The following FRMD5 variants were observed in gnomAD, a reference collection of about 807,000 sequenced individuals.
The protein encoded by FRMD5 is FERM domain-containing protein 5.
In FRMD5, 20 loss-of-function variants were observed where a neutral mutation model predicts 69.0. The observed-to-expected ratio is 0.29, with a 90% CI of 0.20 to 0.42. The LOEUF (loss-of-function observed/expected upper bound fraction) is 0.42. FRMD5 is among the 10% of genes least tolerant of loss of function. The pLI is 1.00. For synonymous variants in FRMD5, 271 were observed against 260.1 expected, an observed-to-expected ratio of 1.04 and a Z score of -0.40; for missense variants, 595 against 708.6, an observed-to-expected ratio of 0.84 and a Z score of 1.82.
intron 1 of FRMD5, among the ~76,000 whole-genome samples, chr15:44,168,849 C>T (rs1040603520): frequency 2.0e-5 from 3 of 152,166 alleles, no homozygotes; most frequent in African/African-American, 7.2e-5. Flanking sequence ...TCCTCTTCTG[C>T]CAAGGTGACT....
intron 1 of FRMD5, among the ~76,000 whole-genome samples, chr15:44,107,980 T>C (rs1313126023): frequency 2.0e-5 from 3 of 152,166 alleles, no homozygotes; most frequent in African/African-American, 4.8e-5. Flanking sequence ...TTTTGTTAAG[T>C]AGTCATGTGC....
intron 13 of FRMD5, among the ~76,000 whole-genome samples, chr15:43,877,204 C>T (rs960868101): frequency 2.0e-5 from 3 of 152,200 alleles, no homozygotes; most frequent in Admixed American, 6.5e-5. Context: ...AGCCAGTCCC[C>T]TTCTGTTGCC....
At chr15:44,041,081 A>T (rs1018381479) in intron 1 of FRMD5, among the ~76,000 whole-genome samples, 5 of 148,740 alleles carry the variant, frequency 3.4e-5, no homozygotes, top group African/African-American at 1.2e-4. Context: ...TTAAATCAAC[A>T]AAGACCAAAA....
intron 1 of FRMD5, among the ~76,000 whole-genome samples, chr15:44,094,725 C>T (rs1442342840): frequency 1.3e-5 from 2 of 152,104 alleles, no homozygotes; most frequent in African/African-American, 2.4e-5. Context: ...AGCTAATATT[C>T]ACTCTGAGCT....
chr15:43,888,141 AG>A (rs750221550), intron 10 of FRMD5, 33 bp downstream of exon 10: 1 of 1,512,942 alleles, frequency 6.6e-7, no homozygotes, highest in Non-Finnish European at 9.2e-7. Context: ...TCTGGCTCTA[AG>A]AAAGACAGTC....
chr15:44,023,945 C>A (rs1163927487), intron 1 of FRMD5, among the ~76,000 whole-genome samples: 2 of 152,072 alleles, frequency 1.3e-5, no homozygotes, highest in African/African-American at 4.8e-5. Flanking sequence ...GCTGGCCTAA[C>A]AAGACCTGCC....
intron 1 of FRMD5, among the ~76,000 whole-genome samples, chr15:44,087,737 TATC>T (rs61525802): frequency 0.054 from 7,956 of 148,180 alleles, 249 homozygotes; most frequent in East Asian, 0.087. Context: ...TATCAGCTGC[TATC>T]ATCATCATCA....
chr15:43,986,112 C>G (rs531898430), intron 1 of FRMD5, among the ~76,000 whole-genome samples: 1 of 152,318 alleles, frequency 6.6e-6, no homozygotes, highest in African/African-American at 2.4e-5. Flanking sequence ...ATTGCTAGCT[C>G]TTCAGTTCAC....
chr15:44,096,647 C>T (rs1279333928), intron 1 of FRMD5, among the ~76,000 whole-genome samples: 1 of 152,080 alleles, frequency 6.6e-6, no homozygotes, highest in Non-Finnish European at 1.5e-5. Flanking sequence ...AAGCGATCCA[C>T]CCGCCTCAGC....
intron 1 of FRMD5, among the ~76,000 whole-genome samples, chr15:43,999,316 C>T (rs1249732710): frequency 6.6e-6 from 1 of 152,178 alleles, no homozygotes; most frequent in Non-Finnish European, 1.5e-5. Context: ...GATCTGCCTG[C>T]CTTGGCCTCC....
intron 13 of FRMD5, among the ~76,000 whole-genome samples, chr15:43,880,643 G>A (rs1291796729): frequency 3.3e-5 from 5 of 152,136 alleles, no homozygotes; most frequent in East Asian, 1.9e-4. Flanking sequence ...TTTTACCTGC[G>A]CTGTCCTGCA....
At chr15:44,024,153 T>A (rs1037743344) in intron 1 of FRMD5, among the ~76,000 whole-genome samples, 4 of 152,202 alleles carry the variant, frequency 2.6e-5, no homozygotes, top group South Asian at 4.1e-4. Flanking sequence ...AATATTTTAA[T>A]CATAGAGAAA....
chr15:44,069,433 C>G (rs2140407770), intron 1 of FRMD5, among the ~76,000 whole-genome samples: 1 of 152,104 alleles, frequency 6.6e-6, no homozygotes, highest in Non-Finnish European at 1.5e-5. Context: ...TCCAGATGTA[C>G]TTCAACAGGT....
At chr15:43,999,795 CAT>C (rs915018046) in intron 1 of FRMD5, among the ~76,000 whole-genome samples, 3 of 151,374 alleles carry the variant, frequency 2.0e-5, no homozygotes, top group South Asian at 2.1e-4. Flanking sequence ...ATTGTATACA[CAT>C]GTGTGTGTAT....
chr15:43,919,416 C>T (rs780342051), intron 4 of FRMD5, 43 bp downstream of exon 4: 17 of 1,562,802 alleles, frequency 1.1e-5, no homozygotes, highest in Non-Finnish European at 1.3e-5. Flanking sequence ...TTCCTATGCT[C>T]TCCAACAGGT....
At chr15:44,102,397 G>A (rs895660934) in intron 1 of FRMD5, among the ~76,000 whole-genome samples, 2 of 152,236 alleles carry the variant, frequency 1.3e-5, no homozygotes, top group Non-Finnish European at 2.9e-5. Context: ...AAAGAGGACA[G>A]AAGGTTTTGG....
chr15:43,995,308 T>C (rs977366692), intron 1 of FRMD5, among the ~76,000 whole-genome samples: 55 of 152,204 alleles, frequency 3.6e-4, no homozygotes, highest in African/African-American at 1.3e-3. Flanking sequence ...GTAACCAATG[T>C]AGGCTTAACT....
chr15:44,184,477 T>C (rs890011404), intron 1 of FRMD5, among the ~76,000 whole-genome samples: 2 of 152,196 alleles, frequency 1.3e-5, no homozygotes, highest in Non-Finnish European at 2.9e-5. Context: ...AAAATGAACT[T>C]AAAGTACACA....
At chr15:43,878,071 C>T (rs1240025477) in intron 13 of FRMD5, among the ~76,000 whole-genome samples, 1 of 152,112 alleles carries the variant, frequency 6.6e-6, no homozygotes, top group Non-Finnish European at 1.5e-5. Flanking sequence ...GGTACAATCA[C>T]GGCTCACTGC....
Sources: gnomAD v4.1 joint callset for allele counts (sites outside exome capture counted in the v4.1 genomes callset) on GRCh38, gnomAD v4.1.1 for gene constraint, MANE v1.5 for transcripts, NCBI Gene and HGNC (gene_info 2026-07-23, HGNC 2026-07-21) for gene names.